The following NLRP1 variants were observed in gnomAD, a reference collection of about 807,000 sequenced individuals.
NLRP1 encodes the protein NLR family pyrin domain containing 1.
Under a neutral mutation model 136.7 loss-of-function variants are expected in NLRP1, and 94 were observed. The observed-to-expected ratio is 0.69, with a 90% CI of 0.58 to 0.82. The LOEUF (loss-of-function observed/expected upper bound fraction) is 0.82. Ranked by LOEUF, NLRP1 falls within the 40% of genes least tolerant of loss-of-function variation. The pLI is 0.00. For synonymous variants in NLRP1, 690 were observed against 725.1 expected (o/e 0.95, Z 0.78); for missense variants, 1,575 against 1,802.7 (o/e 0.87, Z 2.29).
chr17:5,574,549 G>C (rs1161559624), intron 3 of NLRP1, among the ~76,000 whole-genome samples: 1 of 152,068 alleles, frequency 6.6e-6, no homozygotes, highest in African/African-American at 2.4e-5. Flanking sequence ...GTTAAGGGCA[G>C]CCAGAGAGAA....
At chr17:5,511,470 C>T (rs1268471460), downstream of NLRP1, among the ~76,000 whole-genome samples, 1 of 151,072 alleles carries the variant, frequency 6.6e-6, no homozygotes, top group Admixed American at 6.6e-5. Flanking sequence ...GGATCCAAAG[C>T]GGACATGCAT....
chr17:5,560,093 T>C, intron 3 of NLRP1, 50 bp from the exon 4 acceptor site: 1 of 1,424,634 alleles, frequency 7.0e-7, no homozygotes, highest in South Asian at 1.5e-5. Context: ...ATAGAAGAAT[T>C]AATTAATTAA....
downstream of NLRP1, among the ~76,000 whole-genome samples, chr17:5,509,735 C>T (rs1907527140): frequency 6.6e-6 from 1 of 152,090 alleles, no homozygotes. Context: ...AAACTCCTGA[C>T]TTGAGGTGAT....
chr17:5,558,232 C>T, intron 4 of NLRP1, 107 bp downstream of exon 4: 3 of 1,245,188 alleles, frequency 2.4e-6, no homozygotes, highest in African/African-American at 1.5e-5. Flanking sequence ...GATCCTTTAG[C>T]CACCCCCACC....
intron 14 of NLRP1, among the ~76,000 whole-genome samples, chr17:5,519,415 C>T (rs910747023): frequency 1.4e-5 from 2 of 146,676 alleles, no homozygotes; most frequent in African/African-American, 5.0e-5. Context: ...CATAGTGCTG[C>T]GATTACAGGA....
At chr17:5,538,308 G>A (rs925190273) in intron 7 of NLRP1, among the ~76,000 whole-genome samples, 2 of 152,072 alleles carry the variant, frequency 1.3e-5, no homozygotes, top group African/African-American at 4.8e-5. Context: ...TGGGGCCTAC[G>A]GGATGGGAAA....
At chr17:5,557,148 C>T (rs931932901) in intron 4 of NLRP1, among the ~76,000 whole-genome samples, 3 of 151,708 alleles carry the variant, frequency 2.0e-5, no homozygotes, top group South Asian at 4.2e-4. Flanking sequence ...GGATTACAGG[C>T]GTGTGCCACC....
At chr17:5,526,915 A>G (rs1435731234) in intron 12 of NLRP1, among the ~76,000 whole-genome samples, 2 of 152,264 alleles carry the variant, frequency 1.3e-5, no homozygotes, top group Non-Finnish European at 2.9e-5. Context: ...TGGAAAGTTA[A>G]TGACTCATCA....
downstream of NLRP1, chr17:5,512,364 A>C (rs9912217): frequency 0.59 from 713,593 of 1,210,644 alleles, 213,159 homozygotes; most frequent in East Asian, 0.99. Flanking sequence ...TTATTTCGTG[A>C]TCTGTGGACC....
At chr17:5,508,403 G>C (rs1197394429) in intron 15 of NLRP1, among the ~76,000 whole-genome samples, 3 of 152,166 alleles carry the variant, frequency 2.0e-5, no homozygotes, top group Non-Finnish European at 2.9e-5. Flanking sequence ...CTCCTTCTTG[G>C]CTTCTTAAAG....
intron 12 of NLRP1, chr17:5,529,975 G>A (rs34700090): frequency 0.049 from 22,530 of 456,420 alleles, 723 homozygotes; most frequent in Middle Eastern, 0.086. Flanking sequence ...ATCATACTTT[G>A]TGATTACTAT....
In NLRP1 at chr17:5,502,260, G is replaced by A. The variant is rs75517990; in HGVS notation, c.4070-388C>T. On this transcript the variant is annotated intron_variant, in intron 15 of 15. Transcript: ENST00000262467. ...TGAGGAGAAGATGGAACCCTCATCC[G>A]TGATGTTGAGAATGTAAAATGGTGC... 1.8e-3 allele frequency: 367 copies of A among 207,510 alleles called. 1 individual carries two copies. The highest frequency in any genetic ancestry group is 7.9e-3 in the African/African-American group (340 of 42,866). 12.9% of individuals were successfully genotyped at this position (207,510 alleles called of 1,614,324 possible).
chr17:5,532,535 T>C (rs1910440678), intron 11 of NLRP1, among the ~76,000 whole-genome samples: 1 of 152,228 alleles, frequency 6.6e-6, no homozygotes, highest in South Asian at 2.1e-4. Context: ...TGAAACGAAT[T>C]TGGCAAAACA....
At chr17:5,517,956 C>T in intron 14 of NLRP1, 69 bp from the exon 15 acceptor site, 1 of 1,516,000 alleles carries the variant, frequency 6.6e-7, no homozygotes. Flanking sequence ...CACCTGACAC[C>T]TTCTTGGCCC....
At chr17:5,550,994 G>A (rs1344869235) in intron 5 of NLRP1, among the ~76,000 whole-genome samples, 3 of 151,936 alleles carry the variant, frequency 2.0e-5, no homozygotes, top group Non-Finnish European at 4.4e-5. Flanking sequence ...TACCACACTA[G>A]TATATTGTGG....
At chr17:5,527,249 G>T (rs1454924101) in intron 12 of NLRP1, among the ~76,000 whole-genome samples, 1 of 152,212 alleles carries the variant, frequency 6.6e-6, no homozygotes, top group Admixed American at 6.5e-5. Context: ...GATAGCTGGT[G>T]AGCTTTAAAA....
intron 15 of NLRP1, chr17:5,503,375 T>C (rs1907182337): frequency 6.6e-6 from 1 of 152,284 alleles, no homozygotes; most frequent in African/African-American, 2.4e-5. Flanking sequence ...CAAAGGCTTA[T>C]TGGGGAGGAG....
chr17:5,575,702 A>G (rs1373112712), intron 3 of NLRP1, among the ~76,000 whole-genome samples: 1 of 152,198 alleles, frequency 6.6e-6, no homozygotes, highest in Non-Finnish European at 1.5e-5. Flanking sequence ...CCCTGTCAAC[A>G]TTAGACAGAT....
intron 12 of NLRP1, among the ~76,000 whole-genome samples, chr17:5,525,977 A>T (rs1286316388): frequency 1.3e-5 from 1 of 77,516 alleles, no homozygotes; most frequent in Non-Finnish European, 2.4e-5. Context: ...AAAAGCTACT[A>T]AATTTTTTTT....
Sources: gnomAD v4.1 joint callset for allele counts (sites outside exome capture counted in the v4.1 genomes callset) on GRCh38, gnomAD v4.1.1 for gene constraint, MANE v1.5 for transcripts, NCBI Gene and HGNC (gene_info 2026-07-23, HGNC 2026-07-21) for gene names.